The following OR1J2 variants were observed in gnomAD, a reference collection of about 807,000 sequenced individuals.
OR1J2 encodes olfactory receptor 1J2.
For synonymous variants in OR1J2, 142 were observed against 99.7 expected (o/e 1.42, Z -2.52); for missense variants, 304 against 246.1 (o/e 1.24, Z -1.57).
At chr9:122,559,386 G>A in the OR1J2 span, among the ~76,000 whole-genome samples, 2 of 151,972 alleles carry the variant, frequency 1.3e-5, no homozygotes, top group Admixed American at 6.6e-5. Context: ...GTGTGCCATA[G>A]TGGTTTGTTG....
At chr9:122,521,381 A>C in the OR1J2 span, among the ~76,000 whole-genome samples, 4 of 152,232 alleles carry the variant, frequency 2.6e-5, no homozygotes, top group Admixed American at 6.5e-5. Flanking sequence ...GCTAGAACCA[A>C]ATAACTAAAG....
the OR1J2 span, chr9:122,578,333 C>T: frequency 6.6e-6 from 1 of 151,736 alleles, no homozygotes; most frequent in Non-Finnish European, 1.5e-5. Context: ...CCTGTAATCC[C>T]AGATACTCGG....
the OR1J2 span, among the ~76,000 whole-genome samples, chr9:122,550,671 T>C: frequency 5.3e-5 from 8 of 151,824 alleles, no homozygotes; most frequent in Non-Finnish European, 1.0e-4. Flanking sequence ...TCAATAGATA[T>C]AGAAAAAGCA....
At chr9:122,513,510 A>G (rs148466398), downstream of OR1J2, among the ~76,000 whole-genome samples, 2 of 147,270 alleles carry the variant, frequency 1.4e-5, no homozygotes, top group East Asian at 2.1e-4. Context: ...TCCATTGTTC[A>G]TGTATTTTCA....
upstream of OR1J2, among the ~76,000 whole-genome samples, chr9:122,507,638 T>G (rs559024715): frequency 6.6e-6 from 1 of 152,282 alleles, no homozygotes; most frequent in South Asian, 2.1e-4. Flanking sequence ...TGTGCTCATA[T>G]GTGTTCTATG....
chr9:122,532,318 C>G, the OR1J2 span, among the ~76,000 whole-genome samples: 6 of 152,220 alleles, frequency 3.9e-5, no homozygotes, highest in Non-Finnish European at 7.4e-5. Context: ...AACAGGCGGG[C>G]TAGTGGCTTG....
chr9:122,547,049 C>T, the OR1J2 span, among the ~76,000 whole-genome samples: 1 of 151,756 alleles, frequency 6.6e-6, no homozygotes, highest in Admixed American at 6.6e-5. Flanking sequence ...AGAACTTATC[C>T]TGCTATTAGC....
the OR1J2 span, among the ~76,000 whole-genome samples, chr9:122,518,015 C>G: frequency 6.6e-6 from 1 of 152,194 alleles, no homozygotes; most frequent in Non-Finnish European, 1.5e-5. Flanking sequence ...CTTCCAGCTC[C>G]ATCCATGTCC....
chr9:122,495,001 A>G, the OR1J2 span, among the ~76,000 whole-genome samples: 1 of 152,166 alleles, frequency 6.6e-6, no homozygotes, highest in African/African-American at 2.4e-5. Context: ...TAAGGAGGCT[A>G]AAAATAGGAC....
chr9:122,553,832 G>A, the OR1J2 span: 1 of 1,614,012 alleles, frequency 6.2e-7, no homozygotes, highest in Non-Finnish European at 8.5e-7. Flanking sequence ...CCATGGGCTT[G>A]CTGTTCCTCA....
the OR1J2 span, among the ~76,000 whole-genome samples, chr9:122,491,896 T>G: frequency 6.6e-6 from 1 of 151,844 alleles, no homozygotes; most frequent in African/African-American, 2.4e-5. Context: ...TGGGGAAAAA[T>G]GAACAGGATC....
At chr9:122,549,137 G>A in the OR1J2 span, among the ~76,000 whole-genome samples, 1 of 152,172 alleles carries the variant, frequency 6.6e-6, no homozygotes, top group East Asian at 1.9e-4. Context: ...AGTGAGAGAT[G>A]TTTGGGTCAT....
At chr9:122,469,275 G>A in the OR1J2 span, among the ~76,000 whole-genome samples, 1 of 152,216 alleles carries the variant, frequency 6.6e-6, no homozygotes, top group Non-Finnish European at 1.5e-5. Flanking sequence ...GAGGGACCCA[G>A]TGGTAGATAA....
chr9:122,492,847 G>T, the OR1J2 span, among the ~76,000 whole-genome samples: 1 of 152,120 alleles, frequency 6.6e-6, no homozygotes, highest in Admixed American at 6.5e-5. Context: ...CTGTGGGCTT[G>T]TTGTAGATGG....
At chr9:122,499,508 T>C in the OR1J2 span, among the ~76,000 whole-genome samples, 1 of 151,322 alleles carries the variant, frequency 6.6e-6, no homozygotes, top group Admixed American at 6.6e-5. Flanking sequence ...TGCACCAAGA[T>C]CTCTGCACAG....
chr9:122,505,838 T>G (rs1588186904), upstream of OR1J2, among the ~76,000 whole-genome samples: 1 of 152,260 alleles, frequency 6.6e-6, no homozygotes, highest in Middle Eastern at 3.4e-3. Context: ...GTTTGTTTTC[T>G]TTTGTTTTTG....
chr9:122,574,370 A>T, the OR1J2 span, among the ~76,000 whole-genome samples: 6 of 152,160 alleles, frequency 3.9e-5, no homozygotes, highest in African/African-American at 9.6e-5. Context: ...TTTATCTTTC[A>T]TCATGGTTTT....
At chr9:122,554,174 G>A in the OR1J2 span, 1 of 1,587,230 alleles carries the variant, frequency 6.3e-7, no homozygotes, top group Non-Finnish European at 8.6e-7. Context: ...TAGACATCTA[G>A]ACGGTGATGT....
chr9:122,466,222 GACAA>G, the OR1J2 span, among the ~76,000 whole-genome samples: 6 of 152,094 alleles, frequency 3.9e-5, no homozygotes, highest in African/African-American at 9.7e-5. Flanking sequence ...CAAGCAAGCA[GACAA>G]ACAAACAAAA....
Sources: gnomAD v4.1 joint callset for allele counts (sites outside exome capture counted in the v4.1 genomes callset) on GRCh38, gnomAD v4.1.1 for gene constraint, MANE v1.5 for transcripts, NCBI Gene and HGNC (gene_info 2026-07-23, HGNC 2026-07-21) for gene names.